Variants in GNB5 observed in about 807,000 individuals in gnomAD.
GNB5 encodes the protein G protein subunit beta 5, also known as guanine nucleotide-binding protein subunit beta-5.
GNB5 carries 37 observed loss-of-function variants against 55.3 expected under a neutral mutation model. The observed-to-expected ratio is 0.67, with a 90% CI of 0.51 to 0.88. The LOEUF (loss-of-function observed/expected upper bound fraction) is 0.88, where lower values mean the gene tolerates loss of function less well. Ranked by LOEUF, GNB5 falls within the 40% of genes least tolerant of loss-of-function variation. GNB5 has a pLI of 0.00. For missense variants in GNB5, 476 were observed against 515.3 expected (o/e 0.92, Z 0.74); for synonymous variants, 219 against 198.5 (o/e 1.10, Z -0.87).
intron 3 of GNB5, among the ~76,000 whole-genome samples, chr15:52,179,428 C>A (rs2034717753): frequency 6.6e-6 from 1 of 152,152 alleles, no homozygotes; most frequent in Non-Finnish European, 1.5e-5. Flanking sequence ...CCACCGACAC[C>A]CCACCCCCTG....
In GNB5 at chr15:52,117,102, A is replaced by ATATATTTTTT; in HGVS notation, c.*5654_*5655insAAAAAATATA. 377 of 87,098 alleles carry ATATATTTTTT rather than the reference A, an allele frequency of 4.3e-3. 48 individuals are homozygous for ATATATTTTTT. The highest frequency in any genetic ancestry group is 0.022 in the African/African-American group (368 of 16,446). The allele number at this position is 87,098 out of a possible 1,614,324, so 5.4% of individuals were successfully genotyped here. The stretch of plus-strand genomic sequence containing the variant: ...CCACGCCCAGCTAATATATATATAT[A>ATATATTTTTT]TTTTTTTTTAGTACAGACAGGGTTT... On this transcript the variant is annotated 3_prime_UTR_variant, in exon 13 of 13. Transcript: ENST00000261837.
chr15:52,141,640 G>T (rs2033856930), intron 6 of GNB5, among the ~76,000 whole-genome samples: 1 of 151,844 alleles, frequency 6.6e-6, no homozygotes, highest in South Asian at 2.1e-4. Context: ...TGAACACCCA[G>T]ATCCCTTCCC....
chr15:52,175,636 G>A (rs913995427), intron 3 of GNB5, among the ~76,000 whole-genome samples: 1 of 152,228 alleles, frequency 6.6e-6, no homozygotes, highest in Non-Finnish European at 1.5e-5. Context: ...CTACTTGGGA[G>A]GCTGAGGCAG....
At chr15:52,185,887 T>C (rs1470546943) in intron 1 of GNB5, among the ~76,000 whole-genome samples, 1 of 151,980 alleles carries the variant, frequency 6.6e-6, no homozygotes, top group Non-Finnish European at 1.5e-5. Flanking sequence ...TAAGCGATTT[T>C]CCTGCCTCAG....
chr15:52,185,218 C>A (rs2034827288), intron 1 of GNB5, among the ~76,000 whole-genome samples: 1 of 152,210 alleles, frequency 6.6e-6, no homozygotes, highest in Non-Finnish European at 1.5e-5. Flanking sequence ...CCTGCCTGTT[C>A]ACAAGGAAGT....
intron 5 of GNB5, 22 bp downstream of exon 5, chr15:52,149,862 G>T: frequency 6.3e-7 from 1 of 1,588,062 alleles, no homozygotes; most frequent in Non-Finnish European, 8.6e-7. Flanking sequence ...CCTCTATAAC[G>T]TGGCTGGGAA....
At chr15:52,178,851 A>C (rs535713941) in intron 3 of GNB5, among the ~76,000 whole-genome samples, 2 of 152,294 alleles carry the variant, frequency 1.3e-5, no homozygotes, top group African/African-American at 4.8e-5. Flanking sequence ...ATGGCAGGAG[A>C]ACAACGTCAA....
intron 4 of GNB5, among the ~76,000 whole-genome samples, chr15:52,152,792 A>G (rs1190750926): frequency 6.6e-6 from 1 of 151,996 alleles, no homozygotes; most frequent in Non-Finnish European, 1.5e-5. Context: ...CACCATGCCC[A>G]GCTGATTCTG....
chr15:52,179,448 T>C (rs1054195004), intron 3 of GNB5, among the ~76,000 whole-genome samples: 1 of 151,054 alleles, frequency 6.6e-6, no homozygotes, highest in African/African-American at 2.4e-5. Context: ...GCCCTCCGCA[T>C]GGGAGGGGCA....
chr15:52,115,931 T>C lies in GNB5; in HGVS notation c.*6826A>G, dbSNP rs889930732. ...CATATACATGGAATCCTACAACATG[T>C]GGCTCTTTGTCTCTGGTTTCTTTCC... On this transcript the variant is annotated 3_prime_UTR_variant, in exon 13 of 13. Coordinates refer to ENST00000261837, the MANE Select transcript of GNB5 (RefSeq NM_016194.4). 2.6e-5 allele frequency: 4 copies of C among 152,238 alleles called. No individual in the cohort carries two copies. The highest frequency in any genetic ancestry group is 9.6e-5 in the African/African-American group (4 of 41,462). 9.4% of individuals were successfully genotyped at this position (152,238 alleles called of 1,614,324 possible). A position where few individuals can be genotyped will look rare whatever the true frequency, so the allele number is the denominator to read the frequency against.
intron 2 of GNB5, among the ~76,000 whole-genome samples, chr15:52,183,079 G>T (rs2034794217): frequency 1.3e-5 from 2 of 152,188 alleles, no homozygotes; most frequent in South Asian, 4.1e-4. Context: ...TTGAACCCTG[G>T]AGTCAGAGGT....
chr15:52,164,308 T>TTAAA lies in GNB5; in HGVS notation c.239-10233_239-10232insTTTA, dbSNP rs1413717978. On this transcript the variant is annotated intron_variant, in intron 3 of 12. Coordinates refer to ENST00000261837, the MANE Select transcript of GNB5 (RefSeq NM_016194.4). ...GGGAGACAACAGCAAGACTCTGTCT[T>TTAAA]AAAAAAAAAAAAAAAAAAAAAAAAA... Among the ~76,000 whole-genome samples the TTAAA allele has an allele frequency of 1.7e-3, 88 of 50,434 alleles. 1 individual carries two copies. The highest frequency in any genetic ancestry group is 2.4e-3 in the African/African-American group (36 of 14,762). 33.1% of individuals were successfully genotyped at this position (50,434 alleles called of 152,430 possible).
chr15:52,131,861 C>T (rs190435989), intron 9 of GNB5, among the ~76,000 whole-genome samples: 55 of 152,276 alleles, frequency 3.6e-4, no homozygotes, highest in East Asian at 1.7e-3. Flanking sequence ...ATCTTTCATA[C>T]GTGGCAAGTC....
At chr15:52,130,248 A>G (rs1391728048) in intron 9 of GNB5, among the ~76,000 whole-genome samples, 2 of 152,162 alleles carry the variant, frequency 1.3e-5, no homozygotes, top group African/African-American at 4.8e-5. Flanking sequence ...TCAGTGTATA[A>G]CCAAGGGCAT....
chr15:52,143,029 C>T (rs1419727832), intron 6 of GNB5, among the ~76,000 whole-genome samples: 2 of 151,876 alleles, frequency 1.3e-5, no homozygotes, highest in African/African-American at 4.8e-5. Context: ...GTGGCAGGTG[C>T]CTGTAATCCC....
intron 10 of GNB5, among the ~76,000 whole-genome samples, chr15:52,126,652 T>C (rs1008661745): frequency 9.2e-5 from 14 of 152,194 alleles, no homozygotes; most frequent in African/African-American, 3.4e-4. Flanking sequence ...TTATAAATAA[T>C]ATTATGATGA....
At chr15:52,163,149 C>T (rs577205906) in intron 3 of GNB5, among the ~76,000 whole-genome samples, 33 of 152,330 alleles carry the variant, frequency 2.2e-4, no homozygotes, top group African/African-American at 5.8e-4. Context: ...CGGGAAACCA[C>T]GCTTTTCCCA....
chr15:52,126,419 G>C (rs761604543), intron 10 of GNB5, among the ~76,000 whole-genome samples: 1 of 152,058 alleles, frequency 6.6e-6, no homozygotes, highest in Non-Finnish European at 1.5e-5. Flanking sequence ...AATCCTAGAG[G>C]TATTTACTAA....
intron 2 of GNB5, 34 bp from the exon 3 acceptor site, chr15:52,179,913 A>C (rs1365632490): frequency 6.7e-7 from 1 of 1,490,780 alleles, no homozygotes; most frequent in Non-Finnish European, 8.9e-7. Context: ...AGGGAAGCGG[A>C]GAGCGGGAAT....
Sources: allele counts gnomAD v4.1 joint callset (sites outside exome capture counted in the v4.1 genomes callset), GRCh38; gene constraint gnomAD v4.1.1; transcripts MANE v1.5; gene names NCBI Gene and HGNC (gene_info 2026-07-23, HGNC 2026-07-21).